Variants in KCNH3 observed in about 807,000 individuals in gnomAD.
The protein encoded by KCNH3 is voltage-gated inwardly rectifying potassium channel KCNH3.
KCNH3 carries 36 observed loss-of-function variants against 95.6 expected under a neutral mutation model. That is an observed-to-expected ratio of 0.38 (90% CI 0.29 to 0.50). KCNH3 has a LOEUF of 0.50. Ranked by LOEUF, KCNH3 falls within the 20% of genes least tolerant of loss-of-function variation. The pLI, the probability that KCNH3 is intolerant of heterozygous loss-of-function variation, is 0.95. For synonymous variants in KCNH3, 620 were observed against 646.3 expected (o/e 0.96, Z 0.62); for missense variants, 1,030 against 1,484.1 (o/e 0.69, Z 5.03).
At chr12:49,548,003 C>T (rs1302287809) in intron 7 of KCNH3, among the ~76,000 whole-genome samples, 4 of 152,202 alleles carry the variant, frequency 2.6e-5, no homozygotes, top group East Asian at 1.9e-4. Context: ...GACCTCAGCG[C>T]ACAACCCTAC....
At chr12:49,549,247 C>T in intron 8 of KCNH3, 74 bp downstream of exon 8, 1 of 1,512,586 alleles carries the variant, frequency 6.6e-7, no homozygotes, top group Admixed American at 2.0e-5. Flanking sequence ...TCCCACTCCC[C>T]GGAGGGCCTG....
In KCNH3 at chr12:49,542,687, G is replaced by A. The variant is rs1290416890; in HGVS notation, c.446-19G>A. 1 of 1,557,692 alleles carries A rather than the reference G, an allele frequency of 6.4e-7. No individual in the cohort carries two copies. Among genetic ancestry groups the A allele is most frequent in the Non-Finnish European group, 8.7e-7 (1 of 1,151,648 alleles). ...TGGGCACACACCCATCATCTTCATG[G>A]GCCCCTCTTCTTTCGCAGGTGGTGG... On this transcript the variant is annotated intron_variant, in intron 3 of 14. Coordinates refer to ENST00000257981, the MANE Select transcript of KCNH3 (RefSeq NM_012284.3).
At chr12:49,546,783 C>T (rs1486092181) in intron 7 of KCNH3, among the ~76,000 whole-genome samples, 2 of 152,228 alleles carry the variant, frequency 1.3e-5, no homozygotes, top group East Asian at 3.8e-4. Flanking sequence ...TGCCACCCTC[C>T]CCTGTGTCCT....
intron 3 of KCNH3, among the ~76,000 whole-genome samples, chr12:49,542,277 TG>T (rs1310108075): frequency 6.6e-6 from 1 of 152,240 alleles, no homozygotes; most frequent in Non-Finnish European, 1.5e-5. Flanking sequence ...CTCCCAGTGC[TG>T]GGTCTGCCTC....
At position 49,556,374 on chromosome 12, in the gene KCNH3, G is replaced by A; in HGVS notation, c.2473G>A (p.Val825Ile). The A allele has an allele frequency of 1.2e-6, 2 of 1,612,630 alleles. No homozygotes were observed. Among genetic ancestry groups the A allele is most frequent in the Non-Finnish European group, 1.7e-6 (2 of 1,178,662 alleles). Residue 825 changes from valine to isoleucine, a missense_variant, in exon 13 of 15, where the codon GTA (valine) becomes ATA (isoleucine). By Grantham distance (29) the Val-to-Ile change is conservative. This residue lies in a region of KCNH3 where 464 missense variants were observed against 493.2 expected (regional missense o/e 0.94). Transcript: ENST00000257981. ...TCCTGGTACCTGGGTTCACAGGGTAGTAGATGGCATTGAAGACGGCTGTGG... is the reference window on the plus strand; with the variant it reads ...TCCTGGTACCTGGGTTCACAGGGTAATAGATGGCATTGAAGACGGCTGTGG... Reference protein sequence around the residue: ...NVPPDLSPRVVDGIEDGCGSD... With the variant: ...NVPPDLSPRVIDGIEDGCGSD...
At position 49,544,375 on chromosome 12, in the gene KCNH3, T is replaced by C. The variant is rs752732722; in HGVS notation, c.1182T>C (p.Pro394=). ...TCGAGAGCAGCGAATCCGAGCTGCC[T>C]GAGATTGGTACTGGAGGCTCCCTCT... The part of the protein sequence containing the change: ...REIESSESEL[P]EIGWLQELAR... The change falls in exon 7 of 15, where the codon CCT becomes CCC. Residue 394 remains proline (P), a synonymous_variant. Coordinates refer to ENST00000257981, the MANE Select transcript of KCNH3 (RefSeq NM_012284.3). The C allele has an allele frequency of 7.4e-6, 12 of 1,612,522 alleles. No homozygotes were observed. The highest frequency in any genetic ancestry group is 7.6e-6 in the Non-Finnish European group (9 of 1,179,754).
intron 5 of KCNH3, 157 bp downstream of exon 5, chr12:49,543,675 T>G (rs1937952835): frequency 8.8e-7 from 1 of 1,137,852 alleles, no homozygotes; most frequent in South Asian, 1.6e-5. Context: ...TCCAAACATC[T>G]GCCACTTAGA....
intron 12 of KCNH3, 30 bp from the exon 13 acceptor site, chr12:49,556,340 G>T: frequency 6.5e-7 from 1 of 1,538,542 alleles, no homozygotes; most frequent in Non-Finnish European, 9.0e-7. Context: ...CCTGTCCATT[G>T]ATTTGTTGTC....
intron 3 of KCNH3, 46 bp downstream of exon 3, chr12:49,541,810 CCCGGGCGGGGCCTTGGCA>C: frequency 6.2e-7 from 1 of 1,605,652 alleles, no homozygotes; most frequent in Non-Finnish European, 8.5e-7. Flanking sequence ...GTGCCGCAGG[CCCGGGCGGGGCCTTGGCA>C]CCCAGTCTGA....
chr12:49,549,021 G>T lies in KCNH3; in HGVS notation c.1316G>T (p.Gly439Val). ...CSSSSEANGT[G>V]LELLGGPSLR... ...AGCAGCAGCGAGGCCAACGGGACGG[G>T]GCTGGAGCTGCTGGGCGGCCCGTCG... Residue 439 changes from glycine to valine, a missense_variant, in exon 8 of 15, where the codon GGG becomes GTG. Around this residue, in one of 9 missense-constraint regions of KCNH3, gnomAD observed 50 missense variants for 41.0 expected, o/e 1.22. Transcript: ENST00000257981. 3 of 1,611,942 alleles carry T rather than the reference G, an allele frequency of 1.9e-6. No homozygotes were observed. The highest frequency in any genetic ancestry group is 2.5e-6 in the Non-Finnish European group (3 of 1,179,612).
chr12:49,550,108 G>T lies in KCNH3; in HGVS notation c.1697G>T (p.Arg566Leu). 6.5e-7 allele frequency: 1 copy of T among 1,531,808 alleles called. No homozygotes were observed. 94.9% of individuals were successfully genotyped at this position (1,531,808 alleles called of 1,614,324 possible). ...ELLQSLPDEL[R>L]ADIAMHLHKE... ...CTGCAGAGCCTCCCTGACGAGCTGC[G>T]CGCAGACATCGCCATGCACCTGCAC... is the stretch of plus-strand genomic sequence containing the variant. The change falls in exon 10 of 15, where the codon CGC becomes CTC. Residue 566 changes from arginine (R) to leucine (L), a missense_variant. Coordinates refer to ENST00000257981, the MANE Select transcript of KCNH3 (RefSeq NM_012284.3).
chr12:49,549,978 C>A, intron 9 of KCNH3, 102 bp from the exon 10 acceptor site: 1 of 1,286,762 alleles, frequency 7.8e-7, no homozygotes, highest in Non-Finnish European at 1.1e-6. Context: ...TCCCATGCCT[C>A]CCCTGTTCCT....
In KCNH3 at chr12:49,542,842, G is replaced by A; in HGVS notation, c.579+3G>A. 1 of 1,606,978 alleles carries A rather than the reference G, an allele frequency of 6.2e-7. No individual in the cohort carries two copies. The highest frequency in any genetic ancestry group is 1.1e-5 in the South Asian group (1 of 89,048). The stretch of plus-strand genomic sequence containing the variant: ...AGGGCAAGCACAAGCTCAATAAGGT[G>A]GGCTCAGCCCTGGGATGTGTGGGAG... On this transcript the variant is annotated splice_donor_region_variant and intron_variant, in intron 4 of 14. Transcript: ENST00000257981.
chr12:49,543,563 T>C lies in KCNH3; in HGVS notation c.823+45T>C, dbSNP rs1330661848. On this transcript the variant is annotated intron_variant, in intron 5 of 14. Coordinates refer to ENST00000257981, the MANE Select transcript of KCNH3 (RefSeq NM_012284.3). ...TCCGCCCCACCCTTTGCTGGCGCCCTGGGGCTTTGCTGGGGATAGTCCACG... is the reference window on the plus strand; with the variant it reads ...TCCGCCCCACCCTTTGCTGGCGCCCCGGGGCTTTGCTGGGGATAGTCCACG... The C allele has an allele frequency of 3.2e-6, 5 of 1,572,566 alleles. No homozygotes were observed. In the Admixed American group the frequency reaches 6.7e-5, roughly 21 times the overall value.
Position 49,544,396 on chromosome 12 carries a change from C to A in KCNH3, c.1189+14C>A, listed in dbSNP as rs1323607810. ...TGCCTGAGATTGGTACTGGAGGCTC[C>A]CTCTGCATGTGGTGGGGAGGGAGTT... is the stretch of plus-strand genomic sequence containing the variant. On this transcript the variant is annotated intron_variant, in intron 7 of 14. Transcript: ENST00000257981. 1.2e-6 allele frequency: 2 copies of A among 1,611,252 alleles called. No individual in the cohort carries two copies. The highest frequency in any genetic ancestry group is 1.7e-6 in the Non-Finnish European group (2 of 1,179,456).
At chr12:49,546,326 C>T (rs1938059739) in intron 7 of KCNH3, 1 of 152,192 alleles carries the variant, frequency 6.6e-6, no homozygotes, top group African/African-American at 2.4e-5. Context: ...ACAAGTTCTT[C>T]ACATCATCAT....
rs1937812975 is a variant in KCNH3, at chr12:49,539,902, A to G, written c.76+410A>G. On this transcript the variant is annotated intron_variant, in intron 1 of 14. Transcript: ENST00000257981. This position sits in a 1 kb window ranked among gnomAD's most constrained non-coding sequence, Gnocchi z 6.7. ...CTGAGAGGGCTCAAAACACAGATTT[A>G]GAAAAGAGATTTGCAAACGGAGATA... Among the ~76,000 whole-genome samples the G allele has an allele frequency of 6.6e-6, 1 of 152,178 alleles. No individual in the cohort carries two copies. The highest frequency in any genetic ancestry group is 1.5e-5 in the Non-Finnish European group (1 of 68,020).
chr12:49,542,144 C>A (rs1937892244), intron 3 of KCNH3, among the ~76,000 whole-genome samples: 1 of 152,206 alleles, frequency 6.6e-6, no homozygotes, highest in Admixed American at 6.5e-5. Context: ...CTTTTAAGTT[C>A]TTCGAGTCTT....
rs751430311 is a variant in KCNH3 at position 49,557,692 on chromosome 12, C to T, written c.2991C>T (p.Thr997=). 6.2e-7 allele frequency: 1 copy of T among 1,613,872 alleles called. No individual in the cohort carries two copies. Among genetic ancestry groups the T allele is most frequent in the Admixed American group, 1.7e-5 (1 of 60,032 alleles). Residue 997 remains threonine (T), a synonymous_variant, in exon 15 of 15, where the codon ACC becomes ACT. Coordinates refer to ENST00000257981, the MANE Select transcript of KCNH3 (RefSeq NM_012284.3). The part of the protein sequence containing the change: ...WPRATAFWTS[T]SDSEPPASGD... ...GAGCCACAGCTTTCTGGACCTCCAC[C>T]TCAGACTCAGAGCCCCCTGCCTCAG...
Sources: allele counts gnomAD v4.1 joint callset (sites outside exome capture counted in the v4.1 genomes callset), GRCh38; gene constraint gnomAD v4.1.1; regional missense constraint gnomAD v4.1.1; non-coding constraint Gnocchi (gnomAD v3.1); transcripts MANE v1.5; gene names NCBI Gene and HGNC (gene_info 2026-07-23, HGNC 2026-07-21).